Variants in SGCZ observed in about 807,000 individuals in gnomAD.
The protein encoded by SGCZ is zeta-sarcoglycan.
SGCZ carries 40 observed loss-of-function variants against 41.3 expected under a neutral mutation model. The observed-to-expected ratio is 0.97, with a 90% CI of 0.75 to 1.26. The LOEUF (loss-of-function observed/expected upper bound fraction) is 1.26. Among genes scored for constraint, SGCZ ranks in the 50% most tolerant of loss-of-function variants. The pLI, the probability that SGCZ is intolerant of heterozygous loss-of-function variation, is 0.00. For synonymous variants in SGCZ, 206 were observed against 137.5 expected (o/e 1.50, Z -3.49); for missense variants, 552 against 369.8 (o/e 1.49, Z -4.04).
intron 1 of SGCZ, among the ~76,000 whole-genome samples, chr8:14,695,160 T>TA (rs201954499): frequency 1.9e-4 from 29 of 150,808 alleles, no homozygotes; most frequent in Middle Eastern, 3.4e-3. Flanking sequence ...GGAGTTAAAA[T>TA]AAAAAAAAAT....
chr8:14,957,538 C>T (rs1800830845), intron 1 of SGCZ, among the ~76,000 whole-genome samples: 1 of 151,906 alleles, frequency 6.6e-6, no homozygotes, highest in African/African-American at 2.4e-5. Flanking sequence ...CTGAATTTTA[C>T]AAATCATTCA....
chr8:14,796,103 T>C (rs1281423447), intron 1 of SGCZ, among the ~76,000 whole-genome samples: 1 of 152,254 alleles, frequency 6.6e-6, no homozygotes, highest in Non-Finnish European at 1.5e-5. Context: ...ATTCCTTGTC[T>C]TTGCTATTGT....
At chr8:14,444,604 T>C (rs776271787) in intron 2 of SGCZ, among the ~76,000 whole-genome samples, 15 of 146,102 alleles carry the variant, frequency 1.0e-4, no homozygotes, top group East Asian at 4.0e-4. Context: ...CAGGTGGGAA[T>C]TGAAAAATGA....
At chr8:14,406,409 C>T (rs6530769) in intron 2 of SGCZ, among the ~76,000 whole-genome samples, 20,446 of 152,036 alleles carry the variant, frequency 0.13, 3,011 homozygotes, top group African/African-American at 0.36. Context: ...TTATTTTCTG[C>T]TTCTAGGATG....
chr8:14,512,609 G>A (rs1802499379), intron 2 of SGCZ, among the ~76,000 whole-genome samples: 1 of 139,726 alleles, frequency 7.2e-6, no homozygotes, highest in African/African-American at 2.7e-5. Context: ...ACAGGTACAA[G>A]GCATTACACC....
intron 2 of SGCZ, among the ~76,000 whole-genome samples, chr8:14,397,436 T>C (rs1281071300): frequency 6.6e-6 from 1 of 152,120 alleles, no homozygotes; most frequent in Non-Finnish European, 1.5e-5. Flanking sequence ...AATTTCTTTT[T>C]TTCTATTTTG....
intron 1 of SGCZ, among the ~76,000 whole-genome samples, chr8:14,774,935 T>A (rs1249369077): frequency 6.6e-6 from 1 of 152,170 alleles, no homozygotes; most frequent in Non-Finnish European, 1.5e-5. Context: ...AAGGTTTTAA[T>A]CTGACAATCT....
At chr8:15,014,899 C>A (rs558217933) in intron 1 of SGCZ, among the ~76,000 whole-genome samples, 6 of 152,186 alleles carry the variant, frequency 3.9e-5, no homozygotes, top group African/African-American at 1.2e-4. Flanking sequence ...GCCCAAGCAG[C>A]CTTCTGTAAA....
At chr8:14,907,865 AT>A (rs2130771359) in intron 1 of SGCZ, among the ~76,000 whole-genome samples, 1 of 152,264 alleles carries the variant, frequency 6.6e-6, no homozygotes, top group Non-Finnish European at 1.5e-5. Context: ...CCAAAATAAT[AT>A]TTAGGATGTA....
At chr8:15,043,076 C>A (rs577139134) in intron 1 of SGCZ, among the ~76,000 whole-genome samples, 1 of 152,186 alleles carries the variant, frequency 6.6e-6, no homozygotes, top group African/African-American at 2.4e-5. Flanking sequence ...CACTCTCCAT[C>A]CAGAGCAAGG....
chr8:14,863,038 G>A (rs943202615), intron 1 of SGCZ, among the ~76,000 whole-genome samples: 2 of 152,128 alleles, frequency 1.3e-5, no homozygotes, highest in African/African-American at 4.8e-5. Flanking sequence ...TGATTACTGG[G>A]ATGATTGAGA....
intron 4 of SGCZ, among the ~76,000 whole-genome samples, chr8:14,227,538 T>C (rs1224398008): frequency 6.6e-6 from 1 of 152,040 alleles, no homozygotes; most frequent in Non-Finnish European, 1.5e-5. Flanking sequence ...CAGGCAAATA[T>C]ATTATAAAAT....
At chr8:14,127,868 G>A (rs1802914202) in intron 5 of SGCZ, among the ~76,000 whole-genome samples, 1 of 152,038 alleles carries the variant, frequency 6.6e-6, no homozygotes, top group Non-Finnish European at 1.5e-5. Context: ...CATCACCCAG[G>A]TATTAAGCCC....
At chr8:14,807,038 A>G (rs924018061) in intron 1 of SGCZ, among the ~76,000 whole-genome samples, 4 of 152,208 alleles carry the variant, frequency 2.6e-5, no homozygotes, top group Non-Finnish European at 2.9e-5. Context: ...ACAACGCTTC[A>G]GGCTAAAAAC....
intron 1 of SGCZ, among the ~76,000 whole-genome samples, chr8:14,654,853 G>T (rs1034342434): frequency 1.3e-5 from 2 of 151,734 alleles, no homozygotes; most frequent in Middle Eastern, 3.2e-3. Flanking sequence ...TTTTAGTAGA[G>T]ATGTGGTTTC....
At chr8:14,774,541 G>A (rs1017597229) in intron 1 of SGCZ, among the ~76,000 whole-genome samples, 3 of 152,196 alleles carry the variant, frequency 2.0e-5, no homozygotes, top group Non-Finnish European at 4.4e-5. Context: ...ACATGGTGTG[G>A]AAATCAGTCT....
At chr8:14,276,474 T>C (rs1435520391) in intron 3 of SGCZ, among the ~76,000 whole-genome samples, 3 of 152,172 alleles carry the variant, frequency 2.0e-5, no homozygotes, top group South Asian at 2.1e-4. Flanking sequence ...TAAGTGGCTC[T>C]TGATATATTT....
At chr8:14,662,862 AGAGTTTGAAGGTG>A (rs1807799391) in intron 1 of SGCZ, among the ~76,000 whole-genome samples, 2 of 152,162 alleles carry the variant, frequency 1.3e-5, no homozygotes, top group African/African-American at 4.8e-5. Context: ...TTGCTTTTCC[AGAGTTTGAAGGTG>A]GAGGAAAGAG....
chr8:14,562,144 C>A (rs761141786), intron 1 of SGCZ, among the ~76,000 whole-genome samples: 1 of 151,934 alleles, frequency 6.6e-6, no homozygotes, highest in South Asian at 2.1e-4. Context: ...CCTTGCCTCA[C>A]GTAAGGGGAA....
Sources: allele counts gnomAD v4.1 joint callset (sites outside exome capture counted in the v4.1 genomes callset), GRCh38; gene constraint gnomAD v4.1.1; transcripts MANE v1.5; gene names NCBI Gene and HGNC (gene_info 2026-07-23, HGNC 2026-07-21).